PCDH11Y: variants seen among roughly 807,000 people sequenced by gnomAD.
The protein encoded by PCDH11Y is protocadherin-11 Y-linked.
For synonymous variants in PCDH11Y, 9 were observed against 83.6 expected (o/e 0.11, Z 4.87); for missense variants, 12 against 224.8 (o/e 0.05, Z 6.05).
intron 2 of PCDH11Y, among the ~76,000 whole-genome samples, chrY:5,427,579 A>G: frequency 3.0e-5 from 1 of 33,360 alleles, no homozygotes; most frequent in African/African-American, 1.2e-4. Context: ...CAGTTAGTCA[A>G]TGACTGATAG....
intron 2 of PCDH11Y, among the ~76,000 whole-genome samples, chrY:5,229,360 G>A: frequency 5.7e-5 from 1 of 17,678 alleles, no homozygotes; most frequent in Non-Finnish European, 1.1e-4. Flanking sequence ...CTGTTGCCCA[G>A]GCTGGAATAC....
At chrY:5,446,135 A>G (rs2053287603) in intron 2 of PCDH11Y, among the ~76,000 whole-genome samples, 1 of 33,264 alleles carries the variant, frequency 3.0e-5, no homozygotes, top group Non-Finnish European at 7.4e-5. Context: ...TGAATAATGG[A>G]CGTTCAAATA....
chrY:5,337,156 T>A, intron 2 of PCDH11Y, among the ~76,000 whole-genome samples: 1 of 33,182 alleles, frequency 3.0e-5, no homozygotes, highest in Non-Finnish European at 7.4e-5. Flanking sequence ...ACCAAGATAA[T>A]CCATTTATAG....
chrY:5,154,586 T>C (rs2052867454), intron 2 of PCDH11Y, among the ~76,000 whole-genome samples: 1 of 32,124 alleles, frequency 3.1e-5, no homozygotes, highest in Non-Finnish European at 7.6e-5. Context: ...CAGATAGTTT[T>C]GTTTTTTCAT....
intron 3 of PCDH11Y, among the ~76,000 whole-genome samples, chrY:5,579,071 A>G: frequency 3.0e-5 from 1 of 33,302 alleles, no homozygotes; most frequent in Non-Finnish European, 7.5e-5. Flanking sequence ...CTATTGACCT[A>G]TAAGCTCTTC....
At chrY:5,513,197 AT>A in intron 3 of PCDH11Y, among the ~76,000 whole-genome samples, 1 of 30,206 alleles carries the variant, frequency 3.3e-5, no homozygotes, top group Non-Finnish European at 8.0e-5. Context: ...CGCCCGGCTA[AT>A]TTTTTTTTGT....
intron 3 of PCDH11Y, among the ~76,000 whole-genome samples, chrY:5,521,891 A>G (rs2053381419): frequency 6.1e-5 from 2 of 32,817 alleles, no homozygotes; most frequent in African/African-American, 2.4e-4. Flanking sequence ...ATTTTTTGAG[A>G]CGGAGTCTCA....
At chrY:5,042,143 G>A in intron 3 of PCDH11Y, among the ~76,000 whole-genome samples, 1 of 30,624 alleles carries the variant, frequency 3.3e-5, no homozygotes, top group East Asian at 8.5e-4. Flanking sequence ...TTTGTCTTTT[G>A]TTGCCATTGC....
At chrY:5,387,029 T>C (rs1602917132) in intron 2 of PCDH11Y, among the ~76,000 whole-genome samples, 12 of 25,431 alleles carry the variant, frequency 4.7e-4, no homozygotes, top group African/African-American at 1.9e-3. Flanking sequence ...GCTGTTTAGA[T>C]TTTTTTTTTT....
At chrY:5,270,336 C>T (rs2053033479) in intron 2 of PCDH11Y, among the ~76,000 whole-genome samples, 3 of 28,984 alleles carry the variant, frequency 1.0e-4, no homozygotes, top group East Asian at 1.8e-3. Flanking sequence ...GGTGAAACCC[C>T]GACTCTACTA....
chrY:5,042,936 CT>C (rs2052617075), intron 3 of PCDH11Y, among the ~76,000 whole-genome samples: 1 of 30,020 alleles, frequency 3.3e-5, no homozygotes, highest in Non-Finnish European at 7.9e-5. Context: ...TATAAGAATG[CT>C]TGTGATTTTT....
intron 3 of PCDH11Y, among the ~76,000 whole-genome samples, chrY:5,532,892 C>A: frequency 4.6e-5 from 1 of 21,728 alleles, no homozygotes; most frequent in Non-Finnish European, 9.9e-5. Context: ...AGTGCAGTGG[C>A]ACCATCTCAG....
intron 4 of PCDH11Y, among the ~76,000 whole-genome samples, chrY:5,690,403 T>A: frequency 3.1e-5 from 1 of 32,495 alleles, no homozygotes; most frequent in East Asian, 8.0e-4. Flanking sequence ...AAGAGCTTGA[T>A]CACATGCTTA....
chrY:5,316,628 GA>G (rs2053107765), intron 2 of PCDH11Y, among the ~76,000 whole-genome samples: 1 of 33,182 alleles, frequency 3.0e-5, no homozygotes, highest in African/African-American at 1.2e-4. Context: ...TCCCGAGTCA[GA>G]TTGGAAAGTA....
chrY:5,028,194 G>A (rs2124620880), intron 1 of PCDH11Y, among the ~76,000 whole-genome samples: 1 of 33,488 alleles, frequency 3.0e-5, no homozygotes, highest in South Asian at 6.6e-4. Context: ...ACCATTGACA[G>A]GGGCTAGTGT....
chrY:5,016,010 C>T (rs2052560815), intron 1 of PCDH11Y, among the ~76,000 whole-genome samples: 1 of 29,967 alleles, frequency 3.3e-5, no homozygotes, highest in South Asian at 8.1e-4. Flanking sequence ...GATTGTGAGG[C>T]TTCCCCAGCT....
intron 2 of PCDH11Y, among the ~76,000 whole-genome samples, chrY:5,378,856 TAAC>T (rs2053201905): frequency 3.1e-5 from 1 of 32,174 alleles, no homozygotes; most frequent in Admixed American, 2.9e-4. Flanking sequence ...TGAAAACAAA[TAAC>T]AAAGGAGGAT....
intron 4 of PCDH11Y, among the ~76,000 whole-genome samples, chrY:5,621,149 T>C (rs2053499381): frequency 6.1e-5 from 2 of 32,569 alleles, no homozygotes; most frequent in African/African-American, 2.4e-4. Context: ...GAAAACCCCA[T>C]AGTCTCAGCC....
At chrY:5,157,139 G>C in intron 2 of PCDH11Y, among the ~76,000 whole-genome samples, 1 of 32,541 alleles carries the variant, frequency 3.1e-5, no homozygotes, top group Non-Finnish European at 7.6e-5. Flanking sequence ...CAAAATATTC[G>C]CTAGTTTATT....
Sources: allele counts gnomAD v4.1 joint callset (sites outside exome capture counted in the v4.1 genomes callset), GRCh38; gene constraint gnomAD v4.1.1; transcripts MANE v1.5; gene names NCBI Gene and HGNC (gene_info 2026-07-23, HGNC 2026-07-21).